TENM3: variants seen among roughly 807,000 people sequenced by gnomAD.
The protein encoded by TENM3 is teneurin-3.
TENM3 carries 63 observed loss-of-function variants against 255.1 expected under a neutral mutation model. The ratio of observed to expected loss-of-function variants is 0.25; its 90% confidence interval spans 0.20 to 0.30. TENM3 has a LOEUF of 0.30. Among genes scored for constraint, TENM3 ranks in the 10% least tolerant of loss-of-function variants. The pLI, the probability that TENM3 is intolerant of heterozygous loss-of-function variation, is 1.00. For missense variants in TENM3, 2,929 were observed against 3,461.1 expected, an observed-to-expected ratio of 0.85 and a Z score of 3.86; for synonymous variants, 1,306 against 1,322.3, an observed-to-expected ratio of 0.99 and a Z score of 0.27.
At chr4:182,052,253 AG>A in the TENM3 span, among the ~76,000 whole-genome samples, 1 of 152,146 alleles carries the variant, frequency 6.6e-6, no homozygotes, top group African/African-American at 2.4e-5. Flanking sequence ...ATGAAGGAAC[AG>A]GCACCTGAGT....
At chr4:182,151,696 AAC>A (rs1750369705) in intron 1 of TENM3, among the ~76,000 whole-genome samples, 2 of 152,052 alleles carry the variant, frequency 1.3e-5, no homozygotes, top group Non-Finnish European at 2.9e-5. Context: ...AAAACGAAGA[AAC>A]AAAAGCATCT....
chr4:181,680,655 C>T, the TENM3 span, among the ~76,000 whole-genome samples: 3 of 152,046 alleles, frequency 2.0e-5, no homozygotes, highest in Non-Finnish European at 4.4e-5. Context: ...GTAAAGGTAT[C>T]ATAATAAGTT....
At chr4:182,580,215 G>A (rs936220228) in intron 3 of TENM3, among the ~76,000 whole-genome samples, 2 of 152,044 alleles carry the variant, frequency 1.3e-5, no homozygotes, top group African/African-American at 2.4e-5. Context: ...TTAGTGTGAC[G>A]CTATTAATAA....
chr4:182,030,018 T>TGGTCTG, the TENM3 span, among the ~76,000 whole-genome samples: 1 of 145,668 alleles, frequency 6.9e-6, no homozygotes, highest in African/African-American at 2.5e-5. Context: ...CTTTTTTTTT[T>TGGTCTG]TTGGTCTGTT....
At chr4:181,799,415 A>G in the TENM3 span, among the ~76,000 whole-genome samples, 1 of 152,234 alleles carries the variant, frequency 6.6e-6, no homozygotes, top group Non-Finnish European at 1.5e-5. Flanking sequence ...GCTTCCACAA[A>G]CGTATCTATA....
chr4:182,569,034 G>A (rs1744076797), intron 3 of TENM3, among the ~76,000 whole-genome samples: 1 of 152,212 alleles, frequency 6.6e-6, no homozygotes, highest in African/African-American at 2.4e-5. Context: ...AGAACTTTCT[G>A]GGTGAAGACA....
chr4:182,502,863 G>A (rs1019673113), intron 3 of TENM3, among the ~76,000 whole-genome samples: 5 of 145,192 alleles, frequency 3.4e-5, no homozygotes, highest in African/African-American at 1.0e-4. Context: ...ATGGGTTGGA[G>A]CTTTTAATTG....
the TENM3 span, among the ~76,000 whole-genome samples, chr4:181,691,804 G>T: frequency 6.6e-6 from 1 of 152,058 alleles, no homozygotes; most frequent in East Asian, 1.9e-4. Flanking sequence ...CTCCAAACCA[G>T]TTCAGTATTT....
At chr4:182,386,730 C>T (rs1336985448) in intron 3 of TENM3, among the ~76,000 whole-genome samples, 1 of 152,198 alleles carries the variant, frequency 6.6e-6, no homozygotes, top group African/African-American at 2.4e-5. Context: ...GGTCCCCCAG[C>T]AGTGCCAGCC....
chr4:181,795,698 A>G, the TENM3 span, among the ~76,000 whole-genome samples: 6 of 152,232 alleles, frequency 3.9e-5, no homozygotes, highest in African/African-American at 1.4e-4. Context: ...AATAATTGAG[A>G]AAAATATCAA....
chr4:182,145,410 T>A (rs1749889466), intron 1 of TENM3, among the ~76,000 whole-genome samples: 1 of 152,084 alleles, frequency 6.6e-6, no homozygotes, highest in South Asian at 2.1e-4. Context: ...AATTACGAAT[T>A]TATGAGCCTG....
chr4:182,062,526 A>G, the TENM3 span, among the ~76,000 whole-genome samples: 2 of 152,232 alleles, frequency 1.3e-5, no homozygotes, highest in African/African-American at 2.4e-5. Flanking sequence ...GTAAAGTTAT[A>G]CCGTGTTGAC....
At chr4:181,790,785 G>A in the TENM3 span, among the ~76,000 whole-genome samples, 6 of 152,112 alleles carry the variant, frequency 3.9e-5, no homozygotes, top group Admixed American at 1.3e-4. Flanking sequence ...ATCTGCTTAC[G>A]GAGAGAGGAA....
the TENM3 span, among the ~76,000 whole-genome samples, chr4:181,785,085 T>C: frequency 1.3e-5 from 2 of 151,964 alleles, no homozygotes; most frequent in African/African-American, 4.8e-5. Context: ...GCTAAGAGGA[T>C]TTAGAAAAGG....
At chr4:182,795,430 A>G (rs1245016395) in intron 26 of TENM3, among the ~76,000 whole-genome samples, 1 of 152,126 alleles carries the variant, frequency 6.6e-6, no homozygotes, top group Non-Finnish European at 1.5e-5. Flanking sequence ...ACATACACAC[A>G]AATTGTGTCA....
chr4:182,681,355 C>A (rs1756160398), intron 10 of TENM3, among the ~76,000 whole-genome samples: 1 of 152,150 alleles, frequency 6.6e-6, no homozygotes, highest in African/African-American at 2.4e-5. Context: ...TTTATTGAGT[C>A]AAATTGCTAA....
intron 6 of TENM3, among the ~76,000 whole-genome samples, chr4:182,659,815 A>G (rs1375974895): frequency 1.3e-5 from 2 of 152,132 alleles, no homozygotes; most frequent in African/African-American, 4.8e-5. Flanking sequence ...GAAGCCTTTA[A>G]ATGACTTACA....
At chr4:181,639,277 A>T in the TENM3 span, among the ~76,000 whole-genome samples, 3 of 152,138 alleles carry the variant, frequency 2.0e-5, no homozygotes, top group African/African-American at 7.2e-5. Flanking sequence ...GACTTAAGAG[A>T]TATTTTATTT....
At chr4:181,526,705 G>A in the TENM3 span, among the ~76,000 whole-genome samples, 1 of 151,996 alleles carries the variant, frequency 6.6e-6, no homozygotes, top group Non-Finnish European at 1.5e-5. Flanking sequence ...TTTGTAATTG[G>A]GACTTTATAA....
Sources: gnomAD v4.1 joint callset for allele counts (sites outside exome capture counted in the v4.1 genomes callset) on GRCh38, gnomAD v4.1.1 for gene constraint, MANE v1.5 for transcripts, NCBI Gene and HGNC (gene_info 2026-07-23, HGNC 2026-07-21) for gene names.